The following UNC13C variants were observed in gnomAD, a reference collection of about 807,000 sequenced individuals.
The protein encoded by UNC13C is unc-13 homolog C, also known as protein unc-13 homolog C.
In UNC13C, 174 loss-of-function variants were observed where a neutral mutation model predicts 245.4. The ratio of observed to expected loss-of-function variants is 0.71; its 90% CI spans 0.63 to 0.80. The LOEUF is 0.80. UNC13C is among the 30% of genes least tolerant of loss of function. UNC13C has a pLI of 0.00. For synonymous variants in UNC13C, 992 were observed against 895.1 expected (o/e 1.11, Z -1.93); for missense variants, 2,829 against 2,602.9 (o/e 1.09, Z -1.89).
rs769614477 is a variant in UNC13C at position 54,235,057 on chromosome 15, C to T, written c.3099C>T (p.Asp1033=). 1.1e-5 allele frequency: 17 copies of T among 1,613,772 alleles called. No homozygotes were observed. The East Asian group carries it at 3.6e-4, about 34-fold the overall frequency. Residue 1033 remains aspartate (D), a synonymous_variant, in exon 5 of 33, where the codon GAC becomes GAT. Transcript: ENST00000260323. ...CTGGAGGTGGACTTTATGGTATTGA[C>T]AGCATGCCGGATCTTCGCAGAAAAA... is the stretch of plus-strand genomic sequence containing the variant. ...GGAGGGLYGI[D]SMPDLRRKKT...
chr15:54,048,083 G>C (rs1897117243), intron 2 of UNC13C, among the ~76,000 whole-genome samples: 1 of 151,964 alleles, frequency 6.6e-6, no homozygotes, highest in Non-Finnish European at 1.5e-5. Context: ...CTTATTTAAA[G>C]GTAATCCTTT....
intron 2 of UNC13C, among the ~76,000 whole-genome samples, chr15:54,053,455 G>A (rs945856904): frequency 3.9e-5 from 6 of 152,112 alleles, no homozygotes; most frequent in African/African-American, 1.4e-4. Context: ...AAAGCTTTCT[G>A]TGACATGCTT....
At chr15:54,303,367 A>T (rs2037637568) in intron 13 of UNC13C, among the ~76,000 whole-genome samples, 1 of 152,202 alleles carries the variant, frequency 6.6e-6, no homozygotes, top group South Asian at 2.1e-4. Flanking sequence ...CAAAATCAAA[A>T]CAACCTGCTG....
chr15:54,058,427 C>T (rs1897644291), intron 2 of UNC13C, among the ~76,000 whole-genome samples: 1 of 152,156 alleles, frequency 6.6e-6, no homozygotes, highest in Admixed American at 6.5e-5. Context: ...AATTGAATTT[C>T]TGAATAGACC....
At chr15:54,326,030 A>G (rs1028580207) in intron 14 of UNC13C, among the ~76,000 whole-genome samples, 8 of 152,024 alleles carry the variant, frequency 5.3e-5, no homozygotes, top group African/African-American at 1.9e-4. Flanking sequence ...CTCAGAGGAA[A>G]CGAAGGAAGT....
At chr15:53,875,615 A>G in the UNC13C span, among the ~76,000 whole-genome samples, 1 of 152,158 alleles carries the variant, frequency 6.6e-6, no homozygotes, top group African/African-American at 2.4e-5. Context: ...AGGATGATGT[A>G]TCTGATAGTG....
chr15:54,033,585 A>T (rs1292125711), intron 2 of UNC13C, among the ~76,000 whole-genome samples: 5 of 152,114 alleles, frequency 3.3e-5, no homozygotes, highest in Non-Finnish European at 7.4e-5. Context: ...CCCAAGAAGG[A>T]CCTGGGAATA....
At position 54,359,026 on chromosome 15, in the gene UNC13C, A is replaced by T. The variant is rs191844581; in HGVS notation, c.4713+20537A>T. Among the ~76,000 whole-genome samples the T allele has an allele frequency of 6.6e-5, 10 of 152,086 alleles. No individual in the cohort carries two copies. In the East Asian group the frequency reaches 1.9e-3, roughly 29 times the overall value. ...TTGTTGAAGATTTTTTTATCATGAA[A>T]AAATGCTAAATTTTATAGAATTTTT... On this transcript the variant is annotated intron_variant, in intron 17 of 32. Coordinates refer to ENST00000260323, the MANE Select transcript of UNC13C (RefSeq NM_001080534.3).
At chr15:53,975,597 C>G (rs1893671255), upstream of UNC13C, among the ~76,000 whole-genome samples, 1 of 152,298 alleles carries the variant, frequency 6.6e-6, no homozygotes, top group Non-Finnish European at 1.5e-5. Flanking sequence ...GCCAGATATA[C>G]AGGCCATGAC....
chr15:54,161,391 G>T (rs536116618), intron 4 of UNC13C, among the ~76,000 whole-genome samples: 1 of 152,114 alleles, frequency 6.6e-6, no homozygotes, highest in Non-Finnish European at 1.5e-5. Context: ...CATGGACATC[G>T]TTTGACAGTG....
the UNC13C span, among the ~76,000 whole-genome samples, chr15:53,864,249 T>A: frequency 3.3e-4 from 51 of 152,316 alleles, no homozygotes; most frequent in East Asian, 9.5e-3. Context: ...AATATGTCCA[T>A]AAGCAATATT....
At chr15:54,549,753 G>A in intron 28 of UNC13C, 62 bp downstream of exon 28, 1 of 1,034,740 alleles carries the variant, frequency 9.7e-7, no homozygotes, top group African/African-American at 1.6e-5. Flanking sequence ...AGTTCTGCAA[G>A]CATCCTCCTC....
At chr15:54,246,302 T>G (rs1170673055) in intron 7 of UNC13C, among the ~76,000 whole-genome samples, 2 of 152,162 alleles carry the variant, frequency 1.3e-5, no homozygotes, top group Non-Finnish European at 2.9e-5. Flanking sequence ...TACAAAGGCT[T>G]ATCAGAATGT....
chr15:53,900,146 T>G, the UNC13C span, among the ~76,000 whole-genome samples: 16 of 152,196 alleles, frequency 1.1e-4, no homozygotes, highest in Non-Finnish European at 2.4e-4. Flanking sequence ...TCTATTTAAT[T>G]CAAAATTAAT....
At chr15:54,163,752 C>T (rs2033061585) in intron 4 of UNC13C, among the ~76,000 whole-genome samples, 1 of 152,144 alleles carries the variant, frequency 6.6e-6, no homozygotes, top group Admixed American at 6.5e-5. Context: ...TCTAAGAGAT[C>T]ACCATCTTTT....
chr15:54,057,298 A>G (rs1897577465), intron 2 of UNC13C, among the ~76,000 whole-genome samples: 1 of 151,270 alleles, frequency 6.6e-6, no homozygotes, highest in Non-Finnish European at 1.5e-5. Flanking sequence ...AAAAAAAGGC[A>G]GGGATTGCAA....
chr15:54,118,355 A>G (rs1031281357), intron 2 of UNC13C, among the ~76,000 whole-genome samples: 4 of 151,676 alleles, frequency 2.6e-5, no homozygotes, highest in African/African-American at 7.3e-5. Flanking sequence ...TTTTTCTTGT[A>G]TAGATATTTT....
At chr15:54,600,313 C>T (rs1014031548) in intron 30 of UNC13C, among the ~76,000 whole-genome samples, 44 of 151,974 alleles carry the variant, frequency 2.9e-4, no homozygotes, top group African/African-American at 1.0e-3. Flanking sequence ...AAAGGGCTAT[C>T]TAGGGAGGGA....
In UNC13C at chr15:54,359,765, G is replaced by T. The variant is rs574983179; in HGVS notation, c.4713+21276G>T. Among the ~76,000 whole-genome samples the T allele has an allele frequency of 6.9e-4, 104 of 151,724 alleles. 2 individuals are homozygous for T. The South Asian group carries it at 0.021, about 30-fold the overall frequency. On this transcript the variant is annotated intron_variant, in intron 17 of 32. Transcript: ENST00000260323. ...TCTTTTGTACTTACACTAACTAAAGGTTTATAATTGTTGTTTATTTTTTGA... is the reference window on the plus strand; with the variant it reads ...TCTTTTGTACTTACACTAACTAAAGTTTTATAATTGTTGTTTATTTTTTGA...
Sources: allele counts gnomAD v4.1 joint callset (sites outside exome capture counted in the v4.1 genomes callset), GRCh38; gene constraint gnomAD v4.1.1; transcripts MANE v1.5; gene names NCBI Gene and HGNC (gene_info 2026-07-23, HGNC 2026-07-21).